Variants in SV2C observed in about 807,000 individuals in gnomAD.
The protein encoded by SV2C is solute carrier family 22 member B3.
Under a neutral mutation model 79.7 loss-of-function variants are expected in SV2C, and 49 were observed. The ratio of observed to expected loss-of-function variants is 0.61; its 90% CI spans 0.49 to 0.78. SV2C has a LOEUF of 0.78. Among genes scored for constraint, SV2C ranks in the 30% least tolerant of loss-of-function variants. The pLI, the probability that SV2C is intolerant of heterozygous loss-of-function variation, is 0.00. For synonymous variants in SV2C, 334 were observed against 333.2 expected (o/e 1.00, Z -0.03); for missense variants, 833 against 912.9 (o/e 0.91, Z 1.13).
chr5:76,314,684 C>T (rs1213839213), intron 12 of SV2C, among the ~76,000 whole-genome samples: 2 of 152,088 alleles, frequency 1.3e-5, no homozygotes, highest in East Asian at 1.9e-4. Flanking sequence ...GAGGAAAATG[C>T]GGCACAGAGA....
At chr5:75,955,190 T>C in the SV2C span, among the ~76,000 whole-genome samples, 1 of 151,672 alleles carries the variant, frequency 6.6e-6, no homozygotes, top group Admixed American at 6.6e-5. Flanking sequence ...CTGGTGCCAA[T>C]ACAGAGATAT....
At chr5:76,321,360 C>T (rs1282998038) in intron 12 of SV2C, among the ~76,000 whole-genome samples, 1 of 151,712 alleles carries the variant, frequency 6.6e-6, no homozygotes, top group Non-Finnish European at 1.5e-5. Context: ...AACTCAGTGA[C>T]AGCCAAAAAA....
the SV2C span, among the ~76,000 whole-genome samples, chr5:76,019,042 G>A: frequency 6.6e-6 from 1 of 152,050 alleles, no homozygotes; most frequent in African/African-American, 2.4e-5. Context: ...TCCCTCCTGG[G>A]GAATTGTCCC....
At chr5:76,299,582 G>A (rs894985035) in intron 10 of SV2C, among the ~76,000 whole-genome samples, 1 of 152,260 alleles carries the variant, frequency 6.6e-6, no homozygotes, top group South Asian at 2.1e-4. Flanking sequence ...CCCAAACATT[G>A]GTCTGTGTGT....
chr5:76,189,206 G>GAA (rs70979381), intron 2 of SV2C, among the ~76,000 whole-genome samples: 8 of 147,580 alleles, frequency 5.4e-5, no homozygotes, highest in South Asian at 2.2e-4. Flanking sequence ...AGCATAAAAT[G>GAA]AAAAAAAAAA....
the SV2C span, chr5:75,911,167 G>C: frequency 6.3e-7 from 1 of 1,592,354 alleles, no homozygotes; most frequent in Non-Finnish European, 8.6e-7. Context: ...AAGCTCCTCT[G>C]AGGAAGAAGA....
At chr5:76,109,658 C>T (rs1423138605) in intron 1 of SV2C, among the ~76,000 whole-genome samples, 4 of 152,064 alleles carry the variant, frequency 2.6e-5, no homozygotes, top group African/African-American at 9.7e-5. Context: ...TTGGCACAGA[C>T]ACATAGGGAG....
At chr5:75,999,375 AAGAG>A in the SV2C span, among the ~76,000 whole-genome samples, 2,167 of 134,732 alleles carry the variant, frequency 0.016, 35 homozygotes, top group African/African-American at 0.045. Flanking sequence ...GGGAGGGAGA[AAGAG>A]AGAGAGAGAG....
At chr5:76,027,249 A>G in the SV2C span, among the ~76,000 whole-genome samples, 1 of 151,816 alleles carries the variant, frequency 6.6e-6, no homozygotes, top group African/African-American at 2.4e-5. Flanking sequence ...TCTAGTAGAG[A>G]TAGGGTTTCA....
Position 76,327,697 on chromosome 5 carries a change from C to T in SV2C, c.*2150C>T, listed in dbSNP as rs1432688777. 6.6e-6 allele frequency: 1 copy of T among 152,236 alleles called. No individual in the cohort carries two copies. 9.4% of individuals were successfully genotyped at this position (152,236 alleles called of 1,614,324 possible). A position where few individuals can be genotyped will look rare whatever the true frequency, so the allele number is the denominator to read the frequency against. On this transcript the variant is annotated 3_prime_UTR_variant, in exon 13 of 13. Transcript: ENST00000502798. ...GAAAAATAGAAATGTACATGGGCAT[C>T]GCTGTCTCTAGTCCTCTGTGATAGT...
At chr5:76,208,185 T>C (rs898979628) in intron 3 of SV2C, among the ~76,000 whole-genome samples, 2 of 152,230 alleles carry the variant, frequency 1.3e-5, no homozygotes, top group African/African-American at 4.8e-5. Flanking sequence ...AGAAACACAC[T>C]GTGACCCATT....
Position 76,285,259 on chromosome 5 carries a change from C to G in SV2C, c.1011C>G (p.Leu337=). The G allele has an allele frequency of 4.3e-6, 7 of 1,614,184 alleles. No homozygotes were observed. The highest frequency in any genetic ancestry group is 5.9e-6 in the Non-Finnish European group (7 of 1,180,022). ...CCTGTGTCTCCTCCGTGGTGGCCCTCACATTCATGCCTGAAAGCCCACGAT... is the reference window on the plus strand; with the variant it reads ...CCTGTGTCTCCTCCGTGGTGGCCCTGACATTCATGCCTGAAAGCCCACGAT... ...ALPCVSSVVA[L]TFMPESPRFL... is the part of the protein sequence containing the mutation. The change falls in exon 5 of 13, where the codon CTC becomes CTG. Residue 337 remains leucine (L), a synonymous_variant. Transcript: ENST00000502798.
At chr5:75,979,606 A>G in the SV2C span, among the ~76,000 whole-genome samples, 9 of 151,962 alleles carry the variant, frequency 5.9e-5, no homozygotes, top group Admixed American at 5.9e-4. Flanking sequence ...TGGGAACTGA[A>G]TAACCTGATC....
At chr5:76,158,062 G>T (rs1359827935) in intron 2 of SV2C, among the ~76,000 whole-genome samples, 2 of 151,404 alleles carry the variant, frequency 1.3e-5, no homozygotes, top group Non-Finnish European at 3.0e-5. Flanking sequence ...AATCCTTAAA[G>T]AAATTTAAAT....
the SV2C span, among the ~76,000 whole-genome samples, chr5:76,065,737 A>T: frequency 6.6e-6 from 1 of 152,180 alleles, no homozygotes; most frequent in African/African-American, 2.4e-5. Flanking sequence ...TATCATTGGA[A>T]TGGCTACTTG....
chr5:76,002,967 C>A, the SV2C span, among the ~76,000 whole-genome samples: 1 of 151,942 alleles, frequency 6.6e-6, no homozygotes, highest in Admixed American at 6.6e-5. Context: ...TCCATAATCC[C>A]CACGTGTCAT....
chr5:76,298,492 A>ACTAT (rs375867739), intron 9 of SV2C, among the ~76,000 whole-genome samples: 13 of 152,326 alleles, frequency 8.5e-5, no homozygotes, highest in African/African-American at 3.1e-4. Context: ...TAATCCCCAA[A>ACTAT]CTATCTTCAG....
the SV2C span, among the ~76,000 whole-genome samples, chr5:75,850,638 A>T: frequency 2.1e-4 from 8 of 37,212 alleles, no homozygotes; most frequent in Middle Eastern, 0.019. Flanking sequence ...AAAGTATAAT[A>T]AAAAAAAAAG....
intron 1 of SV2C, among the ~76,000 whole-genome samples, chr5:76,102,102 A>C (rs1196246822): frequency 6.6e-6 from 1 of 152,206 alleles, no homozygotes; most frequent in African/African-American, 2.4e-5. Context: ...TGTAAAACAC[A>C]AAAGCACCAT....
Sources: allele counts gnomAD v4.1 joint callset (sites outside exome capture counted in the v4.1 genomes callset), GRCh38; gene constraint gnomAD v4.1.1; transcripts MANE v1.5; gene names NCBI Gene and HGNC (gene_info 2026-07-23, HGNC 2026-07-21).